Variants in WWOX observed in about 807,000 individuals in gnomAD.
The protein encoded by WWOX is WW domain containing oxidoreductase.
A neutral mutation model predicts 46.2 loss-of-function variants in WWOX; 69 were observed. The ratio of observed to expected loss-of-function variants is 1.49; its 90% confidence interval spans 1.23 to 1.82. The LOEUF is 1.82. Ranked by LOEUF, WWOX falls within the 40% of genes most tolerant of loss-of-function variation. The pLI, the probability that WWOX is intolerant of heterozygous loss-of-function variation, is 0.00. For synonymous variants in WWOX, 359 were observed against 202.6 expected (o/e 1.77, Z -6.56); for missense variants, 919 against 542.6 (o/e 1.69, Z -6.89).
intron 8 of WWOX, among the ~76,000 whole-genome samples, chr16:78,699,479 C>T (rs750415585): frequency 6.6e-6 from 1 of 152,124 alleles, no homozygotes; most frequent in African/African-American, 2.4e-5. Flanking sequence ...GCAGAGGTTG[C>T]AGTGAGCTGA....
chr16:79,036,829 G>A (rs1208355783), intron 8 of WWOX, among the ~76,000 whole-genome samples: 6 of 152,182 alleles, frequency 3.9e-5, no homozygotes, highest in African/African-American at 1.4e-4. Flanking sequence ...CTGTAGAGAT[G>A]TTAGCATCAG....
At chr16:78,120,151 G>A (rs1038111270) in intron 4 of WWOX, among the ~76,000 whole-genome samples, 8 of 151,966 alleles carry the variant, frequency 5.3e-5, no homozygotes, top group African/African-American at 1.9e-4. Context: ...CCTCTCTAAC[G>A]TGTATTACAT....
chr16:78,575,003 A>T (rs2044817089), intron 8 of WWOX, among the ~76,000 whole-genome samples: 2 of 13,348 alleles, frequency 1.5e-4, no homozygotes, highest in Non-Finnish European at 2.3e-4. Flanking sequence ...TTTCAATTAT[A>T]TATATATATA....
At chr16:78,925,917 T>G (rs545974381) in intron 8 of WWOX, among the ~76,000 whole-genome samples, 1 of 152,304 alleles carries the variant, frequency 6.6e-6, no homozygotes, top group South Asian at 2.1e-4. Context: ...AGGTAGAATG[T>G]GGGACTGTTT....
intron 8 of WWOX, among the ~76,000 whole-genome samples, chr16:78,961,791 A>T (rs76247870): frequency 6.6e-5 from 10 of 152,184 alleles, no homozygotes; most frequent in African/African-American, 2.2e-4. Context: ...TCAGGTTATC[A>T]TAGTAGTCTT....
intron 5 of WWOX, among the ~76,000 whole-genome samples, chr16:78,258,494 A>C (rs142438946): frequency 1.5e-3 from 231 of 152,166 alleles, no homozygotes; most frequent in African/African-American, 5.3e-3. Context: ...AATCTGTGCT[A>C]AGTTTATGGT....
chr16:78,890,844 T>A (rs1337575191), intron 8 of WWOX: 2 of 152,232 alleles, frequency 1.3e-5, no homozygotes, highest in African/African-American at 4.8e-5. Flanking sequence ...TTTAGTAAAA[T>A]GCGTTCATAG....
rs1027568252 is a variant in WWOX, at chr16:78,344,381, T to C, written c.517-42479T>C. Among the ~76,000 whole-genome samples the C allele has an allele frequency of 3.3e-5, 4 of 121,394 alleles. 1 individual carries two copies. The highest frequency in any genetic ancestry group is 1.1e-4 in the African/African-American group (4 of 35,810). 79.6% of individuals were successfully genotyped at this position (121,394 alleles called of 152,430 possible). A position where few individuals can be genotyped will look rare whatever the true frequency, so the allele number is the denominator to read the frequency against. On this transcript the variant is annotated intron_variant, in intron 5 of 8. Coordinates refer to ENST00000566780, the MANE Select transcript of WWOX (RefSeq NM_016373.4). Reference sequence around the variant, plus strand: ...GGTATTTGCTTAAATAAATAGGCCATATAAATCTAGCTCCCAATGTCCATT... The same window carrying C: ...GGTATTTGCTTAAATAAATAGGCCACATAAATCTAGCTCCCAATGTCCATT...
intron 8 of WWOX, among the ~76,000 whole-genome samples, chr16:78,963,317 A>T (rs1433515901): frequency 6.6e-6 from 1 of 152,032 alleles, no homozygotes; most frequent in Non-Finnish European, 1.5e-5. Context: ...AAAATAAAAA[A>T]AATTAGCTGC....
chr16:78,162,972 T>A (rs2034845300), intron 4 of WWOX, among the ~76,000 whole-genome samples: 1 of 152,218 alleles, frequency 6.6e-6, no homozygotes. Flanking sequence ...TTATTGTTTC[T>A]AATTCCCTGG....
intron 8 of WWOX, among the ~76,000 whole-genome samples, chr16:78,511,026 G>A (rs1440715587): frequency 6.6e-6 from 1 of 152,230 alleles, no homozygotes; most frequent in Non-Finnish European, 1.5e-5. Context: ...ACCTGGCATA[G>A]TGGGCTGCTC....
At chr16:78,209,382 A>T (rs900578006) in intron 5 of WWOX, among the ~76,000 whole-genome samples, 3 of 152,230 alleles carry the variant, frequency 2.0e-5, no homozygotes, top group Non-Finnish European at 4.4e-5. Context: ...AGCTCAAGCC[A>T]ACTGTCAGAA....
chr16:78,195,821 CAAAA>C (rs148609646), intron 5 of WWOX, among the ~76,000 whole-genome samples: 1 of 76,060 alleles, frequency 1.3e-5, no homozygotes, highest in Non-Finnish European at 2.4e-5. Flanking sequence ...GACTCTGCCT[CAAAA>C]AAAAAAAAAA....
At chr16:78,879,147 G>C (rs1247854629) in intron 8 of WWOX, among the ~76,000 whole-genome samples, 1 of 152,094 alleles carries the variant, frequency 6.6e-6, no homozygotes. Context: ...GAAAAACGCA[G>C]ATAAGAAAAT....
intron 8 of WWOX, among the ~76,000 whole-genome samples, chr16:78,679,961 C>T (rs1002130825): frequency 2.6e-5 from 4 of 152,208 alleles, no homozygotes; most frequent in Admixed American, 6.5e-5. Flanking sequence ...CTAGTCAGAG[C>T]AGACCTGGCT....
At chr16:78,650,793 G>C (rs1284900966) in intron 8 of WWOX, among the ~76,000 whole-genome samples, 2 of 152,130 alleles carry the variant, frequency 1.3e-5, no homozygotes, top group Non-Finnish European at 2.9e-5. Context: ...ACAAATCTCA[G>C]CTGGCCTGCA....
chr16:78,607,271 A>G (rs1266869390), intron 8 of WWOX, among the ~76,000 whole-genome samples: 1 of 152,222 alleles, frequency 6.6e-6, no homozygotes, highest in African/African-American at 2.4e-5. Context: ...AATAAACTAT[A>G]TTAAAAATAT....
At chr16:79,210,118 T>C (rs547510742) in intron 8 of WWOX, among the ~76,000 whole-genome samples, 26 of 152,164 alleles carry the variant, frequency 1.7e-4, no homozygotes, top group Non-Finnish European at 3.1e-4. Context: ...ACCCAAGTCT[T>C]TGTCTCACTC....
intron 6 of WWOX, among the ~76,000 whole-genome samples, chr16:78,424,056 T>C (rs2083016350): frequency 6.6e-6 from 1 of 151,594 alleles, no homozygotes; most frequent in Admixed American, 6.6e-5. Flanking sequence ...CTGGGTCCTG[T>C]GTCAGTTGTT....
Sources: allele counts gnomAD v4.1 joint callset (sites outside exome capture counted in the v4.1 genomes callset), GRCh38; gene constraint gnomAD v4.1.1; transcripts MANE v1.5; gene names NCBI Gene and HGNC (gene_info 2026-07-23, HGNC 2026-07-21).